Variants in PFDN1 observed in about 807,000 individuals in gnomAD.
The protein encoded by PFDN1 is prefoldin subunit 1.
Under a neutral mutation model 17.3 loss-of-function variants are expected in PFDN1, and 6 were observed. The ratio of observed to expected loss-of-function variants is 0.35; its 90% confidence interval spans 0.19 to 0.69. The LOEUF is 0.69. PFDN1 is among the 30% of genes least tolerant of loss of function. PFDN1 has a pLI of 0.65. For synonymous variants in PFDN1, 58 were observed against 50.1 expected, an observed-to-expected ratio of 1.16 and a Z score of -0.67; for missense variants, 113 against 146.2, an observed-to-expected ratio of 0.77 and a Z score of 1.17.
chr5:140,266,084 A>G (rs1765129914), intron 3 of PFDN1, among the ~76,000 whole-genome samples: 1 of 152,144 alleles, frequency 6.6e-6, no homozygotes, highest in South Asian at 2.1e-4. Context: ...CCCCTCTCCC[A>G]TGAACCCATT....
intron 3 of PFDN1, among the ~76,000 whole-genome samples, chr5:140,268,147 C>A (rs1244228780): frequency 3.3e-5 from 5 of 152,068 alleles, no homozygotes; most frequent in Non-Finnish European, 7.4e-5. Context: ...CTGGGAGAAA[C>A]CTCAAATTAG....
At chr5:140,284,322 T>C (rs1225057702) in intron 2 of PFDN1, among the ~76,000 whole-genome samples, 1 of 151,992 alleles carries the variant, frequency 6.6e-6, no homozygotes, top group Non-Finnish European at 1.5e-5. Flanking sequence ...CCTCAAAGAG[T>C]AGTTACACAG....
intron 3 of PFDN1, among the ~76,000 whole-genome samples, chr5:140,257,012 G>A (rs1348507021): frequency 2.0e-5 from 3 of 151,982 alleles, no homozygotes; most frequent in Admixed American, 2.0e-4. Flanking sequence ...CTGAGGTCAG[G>A]AGTTTTGAGA....
At chr5:140,288,701 C>T in intron 2 of PFDN1, among the ~76,000 whole-genome samples, 1 of 152,130 alleles carries the variant, frequency 6.6e-6, no homozygotes, top group East Asian at 1.9e-4. Context: ...AATAAAGTTG[C>T]TGGCCGTGCA....
chr5:140,281,372 A>T, intron 3 of PFDN1, 77 bp downstream of exon 3: 2 of 690,102 alleles, frequency 2.9e-6, no homozygotes, highest in Non-Finnish European at 5.2e-6. Flanking sequence ...AGGCAGGCAT[A>T]CATTTTCATT....
chr5:140,265,008 C>T (rs987473682), intron 3 of PFDN1, among the ~76,000 whole-genome samples: 2 of 152,190 alleles, frequency 1.3e-5, no homozygotes, highest in Admixed American at 1.3e-4. Context: ...ATCTTTGCTT[C>T]TGCCCATGTT....
chr5:140,290,484 C>T (rs1182638753), intron 2 of PFDN1, among the ~76,000 whole-genome samples: 1 of 152,166 alleles, frequency 6.6e-6, no homozygotes, highest in African/African-American at 2.4e-5. Context: ...CAGCATACGG[C>T]CCCTGAGGAG....
At chr5:140,264,161 T>C (rs1471578459) in intron 3 of PFDN1, among the ~76,000 whole-genome samples, 4 of 147,678 alleles carry the variant, frequency 2.7e-5, no homozygotes, top group African/African-American at 1.0e-4. Context: ...AGATTTTGAG[T>C]GAACTGAACT....
intron 2 of PFDN1, among the ~76,000 whole-genome samples, chr5:140,286,411 C>CAAAAAAA (rs70988742): frequency 1.2e-5 from 1 of 83,508 alleles, no homozygotes; most frequent in Non-Finnish European, 2.3e-5. Flanking sequence ...GACTCTGTCT[C>CAAAAAAA]AAAAAAAAAA....
intron 2 of PFDN1, among the ~76,000 whole-genome samples, chr5:140,290,664 G>A (rs1256385950): frequency 6.6e-6 from 1 of 152,208 alleles, no homozygotes; most frequent in Non-Finnish European, 1.5e-5. Context: ...GATTAAGGAA[G>A]GAGAGGATTC....
rs1764960406 is a variant in PFDN1 at position 140,254,588 on chromosome 5, C to T, written c.286-8531G>A. Among the ~76,000 whole-genome samples, 2 of 152,134 alleles carry T rather than the reference C, an allele frequency of 1.3e-5. No homozygotes were observed. The highest frequency in any genetic ancestry group is 4.1e-4 in the South Asian group (2 of 4,824). On this transcript the variant is annotated intron_variant, in intron 3 of 3. Coordinates refer to ENST00000261813, the MANE Select transcript of PFDN1 (RefSeq NM_002622.5). The surrounding 1 kb of genome is among the most constrained non-coding windows in gnomAD (Gnocchi z 4.4). ...GACTTCAACAAGAATGTAGATGACC[C>T]ACCCAATACCACAGCCTCCTCTCTC...
intron 3 of PFDN1, among the ~76,000 whole-genome samples, chr5:140,276,015 TTGA>T (rs57224353): frequency 0.17 from 25,910 of 149,192 alleles, 2,334 homozygotes; most frequent in Middle Eastern, 0.3. Flanking sequence ...AGAAGAGAAA[TTGA>T]TGATGATGAT....
chr5:140,267,785 A>G (rs1765155129), intron 3 of PFDN1, among the ~76,000 whole-genome samples: 1 of 151,784 alleles, frequency 6.6e-6, no homozygotes, highest in Non-Finnish European at 1.5e-5. Context: ...ACTTCCTCCA[A>G]CCCTAAGAAA....
rs1330649694 is a variant in PFDN1, at chr5:140,277,491, T to C, written c.285+3958A>G. ...ATAAGGAAGAAGTAATCTTCAGAAA[T>C]ACAAATTTTCCAGAATTTATTAAAA... On this transcript the variant is annotated intron_variant, in intron 3 of 3. Transcript: ENST00000261813. Among the ~76,000 whole-genome samples the C allele has an allele frequency of 3.3e-5, 5 of 151,692 alleles. No homozygotes were observed. The East Asian group carries it at 9.7e-4, about 29-fold the overall frequency.
intron 3 of PFDN1, among the ~76,000 whole-genome samples, chr5:140,269,679 C>T (rs1477214608): frequency 6.6e-6 from 1 of 152,068 alleles, no homozygotes; most frequent in Non-Finnish European, 1.5e-5. Context: ...TTTTGTTTTG[C>T]TTTCCTCCAT....
intron 3 of PFDN1, among the ~76,000 whole-genome samples, chr5:140,257,148 G>A (rs1176629687): frequency 7.9e-5 from 12 of 151,798 alleles, no homozygotes; most frequent in South Asian, 2.1e-4. Flanking sequence ...GCTTGAGCCC[G>A]GGAGGTGGAG....
At chr5:140,296,042 A>G (rs1765649404) in intron 2 of PFDN1, among the ~76,000 whole-genome samples, 1 of 152,110 alleles carries the variant, frequency 6.6e-6, no homozygotes, top group Non-Finnish European at 1.5e-5. Context: ...TGGTATTTAG[A>G]ATTAGACAAC....
chr5:140,246,606 T>C (rs1655082085), intron 3 of PFDN1, among the ~76,000 whole-genome samples: 1 of 152,210 alleles, frequency 6.6e-6, no homozygotes, highest in Non-Finnish European at 1.5e-5. Flanking sequence ...ATGAGACTGC[T>C]GCCTGCCAGG....
At chr5:140,278,557 CAAAAAAAA>C (rs113129230) in intron 3 of PFDN1, among the ~76,000 whole-genome samples, 55 of 79,010 alleles carry the variant, frequency 7.0e-4, no homozygotes, top group African/African-American at 2.7e-3. Context: ...GACTCTGTCT[CAAAAAAAA>C]AAAAAAAAAA....
Sources: allele counts gnomAD v4.1 joint callset (sites outside exome capture counted in the v4.1 genomes callset), GRCh38; gene constraint gnomAD v4.1.1; non-coding constraint Gnocchi (gnomAD v3.1); transcripts MANE v1.5; gene names NCBI Gene and HGNC (gene_info 2026-07-23, HGNC 2026-07-21).